The following TARBP2 variants were observed in gnomAD, a reference collection of about 807,000 sequenced individuals.
TARBP2 encodes TARBP2 subunit of RISC loading complex.
TARBP2 carries 23 observed loss-of-function variants against 40.4 expected under a neutral mutation model. That is an observed-to-expected ratio of 0.57 (90% CI 0.41 to 0.81). The LOEUF is 0.81. Among genes scored for constraint, TARBP2 ranks in the 30% least tolerant of loss-of-function variants. The pLI is 0.00. For synonymous variants in TARBP2, 183 were observed against 190.5 expected (o/e 0.96, Z 0.32); for missense variants, 358 against 473.7 (o/e 0.76, Z 2.27).
upstream of TARBP2, chr12:53,501,120 A>C: frequency 1.9e-6 from 1 of 513,688 alleles, no homozygotes; most frequent in East Asian, 3.5e-5. Flanking sequence ...TATTACAAAC[A>C]AAAAAATACG....
Position 53,505,178 on chromosome 12 carries a change from CA to C in TARBP2, c.661del (p.Met221CysfsTer52). On this transcript the variant is annotated frameshift_variant, in exon 7 of 9. Coordinates refer to ENST00000266987, the MANE Select transcript of TARBP2 (RefSeq NM_134323.2). LOFTEE classifies it high-confidence loss of function. The surrounding 1 kb of genome is among the most constrained non-coding windows in gnomAD (Gnocchi z 4.5). ...AATTGGCAAAGCGGAATGCGGCGGC[CA>C]AAATGCTGCTTCGAGTGCACACGGT... ...KKLAKRNAAAKMLLRVHTVPL... is the reference protein window; with the variant it reads ...KKLAKRNAAAXMLLRVHTVPL... 1 of 1,611,834 alleles carries C rather than the reference CA, an allele frequency of 6.2e-7. No homozygotes were observed. The highest frequency in any genetic ancestry group is 8.5e-7 in the Non-Finnish European group (1 of 1,178,132).
chr12:53,504,840 A>G (rs775456960), intron 6 of TARBP2, 25 bp downstream of exon 6: 1 of 1,609,952 alleles, frequency 6.2e-7, no homozygotes, highest in Admixed American at 1.7e-5. Context: ...AGGGGTTCTC[A>G]CAACTCCTCT....
In TARBP2 at chr12:53,504,865, G is replaced by A. The variant is rs767109303; in HGVS notation, c.613+50G>A. The stretch of plus-strand genomic sequence containing the variant: ...ACAACTCCTCTCCCGCAGCACTCTG[G>A]CCCCAGCCACAAAGCAGCTCCTGGC... On this transcript the variant is annotated intron_variant, in intron 6 of 8. Coordinates refer to ENST00000266987, the MANE Select transcript of TARBP2 (RefSeq NM_134323.2). 3.8e-6 allele frequency: 6 copies of A among 1,599,770 alleles called. No homozygotes were observed. In the Admixed American group the frequency reaches 6.7e-5, roughly 18 times the overall value.
intron 3 of TARBP2, 183 bp downstream of exon 3, chr12:53,503,312 G>A (rs777803632): frequency 9.0e-5 from 122 of 1,360,860 alleles, no homozygotes; most frequent in Non-Finnish European, 1.2e-4. Flanking sequence ...TTCTTGGGGT[G>A]GAGGGGTTGG....
rs1445111857 is a variant in TARBP2, at chr12:53,505,683, G to A, written c.776G>A (p.Arg259Gln). ...VGSRLDGLRNRGPGCTWDSLR... is the reference protein window; with the variant it reads ...VGSRLDGLRNQGPGCTWDSLR... Reference sequence around the variant, plus strand: ...TCCCGCCTGGATGGTCTTCGAAACCGGGGCCCAGGTTGCACCTGGGATTCT... The same window carrying A: ...TCCCGCCTGGATGGTCTTCGAAACCAGGGCCCAGGTTGCACCTGGGATTCT... Residue 259 changes from arginine (R) to glutamine (Q), a missense_variant, in exon 8 of 9, where the codon CGG (arginine) becomes CAG (glutamine). By Grantham distance (43) the Arg-to-Gln change is conservative. Transcript: ENST00000266987. The surrounding 1 kb of genome is among the most constrained non-coding windows in gnomAD (Gnocchi z 4.5). 5.0e-6 allele frequency: 8 copies of A among 1,614,052 alleles called. No individual in the cohort carries two copies. The highest frequency in any genetic ancestry group is 2.2e-5 in the East Asian group (1 of 44,858).
upstream of TARBP2, chr12:53,501,222 C>A (rs1219289795): frequency 3.0e-5 from 19 of 634,008 alleles, no homozygotes; most frequent in Non-Finnish European, 4.6e-5. Flanking sequence ...GGTTGTGGGG[C>A]GGATAGCTCC....
chr12:53,506,360 G>C lies in TARBP2; in HGVS notation c.*212G>C, dbSNP rs1943987216. ...GATCCGTCCTCATTTTATTGGTGAT[G>C]ATGAATGGGAATGAAATCAGGGGGC... is the stretch of plus-strand genomic sequence containing the variant. On this transcript the variant is annotated 3_prime_UTR_variant, in exon 9 of 9. Coordinates refer to ENST00000266987, the MANE Select transcript of TARBP2 (RefSeq NM_134323.2). 1.7e-6 allele frequency: 1 copy of C among 598,720 alleles called. No individual in the cohort carries two copies. 37.1% of individuals were successfully genotyped at this position (598,720 alleles called of 1,614,324 possible).
chr12:53,504,509 C>A, intron 5 of TARBP2, 40 bp downstream of exon 5: 1 of 1,606,624 alleles, frequency 6.2e-7, no homozygotes, highest in Non-Finnish European at 8.5e-7. Flanking sequence ...CCTGTCTTCC[C>A]TTGAGCCAGG....
Position 53,506,424 on chromosome 12 carries a change from A to G in TARBP2, c.*276A>G, listed in dbSNP as rs907133067. On this transcript the variant is annotated 3_prime_UTR_variant, in exon 9 of 9. Transcript: ENST00000266987. ...CTGGAATAAATATGCTGCTTTGTGGATTTTTAAGCCCTTCTCTTCTGTTTC... is the reference window on the plus strand; with the variant it reads ...CTGGAATAAATATGCTGCTTTGTGGGTTTTTAAGCCCTTCTCTTCTGTTTC... The G allele has an allele frequency of 5.8e-6, 3 of 516,320 alleles. No homozygotes were observed. The Admixed American group carries it at 1.0e-4, about 18-fold the overall frequency. 32.0% of individuals were successfully genotyped at this position (516,320 alleles called of 1,614,324 possible).
rs1265302355 is a variant in TARBP2 at position 53,504,601 on chromosome 12, C to T, written c.496-97C>T. On this transcript the variant is annotated intron_variant, in intron 5 of 8. Transcript: ENST00000266987. ...CCCTTTCCACCCCCCTCTCTCCTTCCTCTCACCTAGAGTCTGAGGCTCCTG... is the reference window on the plus strand; with the variant it reads ...CCCTTTCCACCCCCCTCTCTCCTTCTTCTCACCTAGAGTCTGAGGCTCCTG... The T allele has an allele frequency of 1.9e-6, 3 of 1,609,790 alleles. No individual in the cohort carries two copies. The South Asian group carries it at 3.3e-5, about 18-fold the overall frequency.
rs778108925 is a variant in TARBP2 at position 53,505,121 on chromosome 12, C to G, written c.614-14C>G. ...TGGGGAATCATAACCCAGCAGCCCT[C>G]TCTCCACATGCAGGGAGTGGCACTT... On this transcript the variant is annotated splice_polypyrimidine_tract_variant and intron_variant, in intron 6 of 8. Coordinates refer to ENST00000266987, the MANE Select transcript of TARBP2 (RefSeq NM_134323.2). The surrounding 1 kb of genome is among the most constrained non-coding windows in gnomAD (Gnocchi z 4.5). The G allele has an allele frequency of 1.3e-6, 2 of 1,594,344 alleles. No individual in the cohort carries two copies. Among genetic ancestry groups the G allele is most frequent in the East Asian group, 4.5e-5 (2 of 44,480 alleles).
In TARBP2 at chr12:53,505,932, C is replaced by T; in HGVS notation, c.944-59C>T. The stretch of plus-strand genomic sequence containing the variant: ...GAAGGGGGTGATGATAACGTGAACG[C>T]ACCCCTCCCCAGGGCTACCTCCCCC... On this transcript the variant is annotated intron_variant, in intron 8 of 8. Coordinates refer to ENST00000266987, the MANE Select transcript of TARBP2 (RefSeq NM_134323.2). This position sits in a 1 kb window ranked among gnomAD's most constrained non-coding sequence, Gnocchi z 4.5. The T allele has an allele frequency of 6.2e-7, 1 of 1,604,426 alleles. No individual in the cohort carries two copies.
At chr12:53,504,066 T>C (rs1222744690) in intron 4 of TARBP2, 1 of 587,996 alleles carries the variant, frequency 1.7e-6, no homozygotes, top group African/African-American at 1.9e-5. Context: ...TTCTTCTGGG[T>C]TGACCACATG....
rs7138281 is a variant in TARBP2 at position 53,504,290 on chromosome 12, C to T, written c.423-107C>T. ...CAGACAGCTCCCCACCCGGTGGAAT[C>T]GGGAGATGGTAGTCAGGAATCTAAA... is the stretch of plus-strand genomic sequence containing the variant. On this transcript the variant is annotated intron_variant, in intron 4 of 8. Transcript: ENST00000266987. The T allele has an allele frequency of 2.0e-3, 2,140 of 1,051,512 alleles. 35 individuals carry two copies. The African/African-American group carries it at 0.031, about 15-fold the overall frequency. 65.1% of individuals were successfully genotyped at this position (1,051,512 alleles called of 1,614,324 possible). A position where few individuals can be genotyped will look rare whatever the true frequency, so the allele number is the denominator to read the frequency against.
intron 1 of TARBP2, 69 bp from the exon 2 acceptor site, chr12:53,501,946 T>G: frequency 6.3e-7 from 1 of 1,590,770 alleles, no homozygotes; most frequent in Non-Finnish European, 8.6e-7. Flanking sequence ...CTAGGTCTGG[T>G]ATGGAAGTGC....
At position 53,506,357 on chromosome 12, in the gene TARBP2, G is replaced by A. The variant is rs1943987019; in HGVS notation, c.*209G>A. On this transcript the variant is annotated 3_prime_UTR_variant, in exon 9 of 9. Coordinates refer to ENST00000266987, the MANE Select transcript of TARBP2 (RefSeq NM_134323.2). Reference sequence around the variant, plus strand: ...CAGGATCCGTCCTCATTTTATTGGTGATGATGAATGGGAATGAAATCAGGG... The same window carrying A: ...CAGGATCCGTCCTCATTTTATTGGTAATGATGAATGGGAATGAAATCAGGG... 1.0e-5 allele frequency: 6 copies of A among 601,018 alleles called. No homozygotes were observed. The highest frequency in any genetic ancestry group is 1.7e-5 in the Non-Finnish European group (6 of 348,632). 37.2% of individuals were successfully genotyped at this position (601,018 alleles called of 1,614,324 possible).
In TARBP2 at chr12:53,505,955, C is replaced by T. The variant is rs771483573; in HGVS notation, c.944-36C>T. On this transcript the variant is annotated intron_variant, in intron 8 of 8. Transcript: ENST00000266987. The surrounding 1 kb of genome is among the most constrained non-coding windows in gnomAD (Gnocchi z 4.5). Reference sequence around the variant, plus strand: ...CGCACCCCTCCCCAGGGCTACCTCCCCCAACATTGCCTCCCTCCTCTCTCT... The same window carrying T: ...CGCACCCCTCCCCAGGGCTACCTCCTCCAACATTGCCTCCCTCCTCTCTCT... 2 of 1,607,126 alleles carry T rather than the reference C, an allele frequency of 1.2e-6. No individual in the cohort carries two copies. The highest frequency in any genetic ancestry group is 3.3e-5 in the Admixed American group (2 of 59,866).
In TARBP2 at chr12:53,501,896, T is replaced by G. The variant is rs536884690; in HGVS notation, c.54-119T>G. On this transcript the variant is annotated intron_variant, in intron 1 of 8. Transcript: ENST00000266987. ...GGAACCCAGCCAATGGATGCTAGACTGTCTGGGGTTCCTTGGACCCTATGT... is the reference window on the plus strand; with the variant it reads ...GGAACCCAGCCAATGGATGCTAGACGGTCTGGGGTTCCTTGGACCCTATGT... 2.1e-6 allele frequency: 3 copies of G among 1,460,880 alleles called. No individual in the cohort carries two copies. In the East Asian group the frequency reaches 6.9e-5, roughly 33 times the overall value. The allele number at this position is 1,460,880 out of a possible 1,614,324, so 90.5% of individuals were successfully genotyped here.
rs760896776 is a variant in TARBP2, at chr12:53,504,586, C to A, written c.496-112C>A. 5 of 1,606,038 alleles carry A rather than the reference C, an allele frequency of 3.1e-6. No homozygotes were observed. In the African/African-American group the frequency reaches 5.4e-5, roughly 17 times the overall value. On this transcript the variant is annotated intron_variant, in intron 5 of 8. Transcript: ENST00000266987. The stretch of plus-strand genomic sequence containing the variant: ...TTCCTTGTACTGAGGCCCTTTCCAC[C>A]CCCCTCTCTCCTTCCTCTCACCTAG...
Sources: allele counts gnomAD v4.1 joint callset, GRCh38; gene constraint gnomAD v4.1.1; non-coding constraint Gnocchi (gnomAD v3.1); transcripts MANE v1.5; gene names NCBI Gene and HGNC (gene_info 2026-07-23, HGNC 2026-07-21).